The following TMEM266 variants were observed in gnomAD, a reference collection of about 807,000 sequenced individuals.
The protein encoded by TMEM266 is transmembrane protein 266.
In TMEM266, 33 loss-of-function variants were observed where a neutral mutation model predicts 50.5. The ratio of observed to expected loss-of-function variants is 0.65; its 90% CI spans 0.50 to 0.87. The LOEUF (loss-of-function observed/expected upper bound fraction) is 0.87, where lower values mean the gene tolerates loss of function less well. Among genes scored for constraint, TMEM266 ranks in the 40% least tolerant of loss-of-function variants. The pLI is 0.00. For missense variants in TMEM266, 655 were observed against 695.1 expected, an observed-to-expected ratio of 0.94 and a Z score of 0.65; for synonymous variants, 310 against 292.3, an observed-to-expected ratio of 1.06 and a Z score of -0.62.
chr15:76,129,565 C>T (rs538781647), intron 1 of TMEM266, among the ~76,000 whole-genome samples: 3 of 151,992 alleles, frequency 2.0e-5, no homozygotes, highest in South Asian at 2.1e-4. Flanking sequence ...AACTTGAACC[C>T]GGGAGGTGGA....
rs1360468378 is a variant in TMEM266, at chr15:76,203,824, T to C, written c.1105T>C (p.Phe369Leu). The C allele has an allele frequency of 1.2e-6, 2 of 1,614,088 alleles. No homozygotes were observed. Among genetic ancestry groups the C allele is most frequent in the Non-Finnish European group, 1.7e-6 (2 of 1,180,024 alleles). ...CCAGCCCAACATCTCCTCGGACCTCTTCTCTCTGGACATGCCCCTCAAACT... is the reference window on the plus strand; with the variant it reads ...CCAGCCCAACATCTCCTCGGACCTCCTCTCTCTGGACATGCCCCTCAAACT... The change falls in exon 11 of 11, where the codon TTC (phenylalanine) becomes CTC (leucine). Residue 369 changes from phenylalanine (F) to leucine (L), a missense_variant. Around this residue, in one of 3 missense-constraint regions of TMEM266, gnomAD observed 455 missense variants for 401.8 expected, o/e 1.13. Coordinates refer to ENST00000388942, the MANE Select transcript of TMEM266 (RefSeq NM_152335.3).
intron 1 of TMEM266, among the ~76,000 whole-genome samples, chr15:76,109,893 C>T (rs924895915): frequency 1.6e-4 from 25 of 151,788 alleles, no homozygotes; most frequent in Non-Finnish European, 7.4e-5. Context: ...CTCTTGGCCT[C>T]AAGCGATCTT....
intron 1 of TMEM266, chr15:76,113,778 G>C (rs369681340): frequency 2.6e-5 from 4 of 151,980 alleles, no homozygotes; most frequent in Non-Finnish European, 5.9e-5. Context: ...GCGCGGTGGC[G>C]GCTGCCTGTA....
rs112935206 is a variant in TMEM266 at position 76,190,166 on chromosome 15, CT to C, written c.769-1801del. On this transcript the variant is annotated intron_variant, in intron 8 of 10. Transcript: ENST00000388942. ...GCAACTGAGTGCCTGGGGGGCTGCC[CT>C]AGGTGGTGGGTCAGGGAAGGCCCCT... Among the ~76,000 whole-genome samples the C allele has an allele frequency of 2.0e-3, 299 of 152,264 alleles. 3 individuals carry two copies. Among genetic ancestry groups the C allele is most frequent in the African/African-American group, 6.6e-3 (275 of 41,554 alleles).
intron 5 of TMEM266, among the ~76,000 whole-genome samples, chr15:76,169,024 G>T (rs1231823766): frequency 6.6e-6 from 1 of 152,214 alleles, no homozygotes; most frequent in East Asian, 1.9e-4. Context: ...AAGTGGATAG[G>T]TAAGGCTTGG....
In TMEM266 at chr15:76,063,804, G is replaced by T. The variant is rs555341337; in HGVS notation, c.-97+3788G>T. ...ATCTTTCCAGCTTCCCACACTTTTT[G>T]TTTTTGTTAGTCCTTACTGTTCTCT... On this transcript the variant is annotated intron_variant, in intron 1 of 10. Transcript: ENST00000388942. 1.2e-4 allele frequency among the ~76,000 whole-genome samples: 18 copies of T among 152,216 alleles called. 1 individual carries two copies. The South Asian group carries it at 3.3e-3, about 28-fold the overall frequency.
At chr15:76,064,129 A>G (rs1256211940) in intron 1 of TMEM266, among the ~76,000 whole-genome samples, 1 of 152,224 alleles carries the variant, frequency 6.6e-6, no homozygotes, top group African/African-American at 2.4e-5. Context: ...TCAGCCATCC[A>G]TCAACTCTCC....
chr15:76,139,613 A>G lies in TMEM266; in HGVS notation c.227+1718A>G, dbSNP rs1484857305. ...ACATTTTCACTGGGCTCTGCAAATG[A>G]TGTAGCTGGTGGGTCCTTCTCTGAG... On this transcript the variant is annotated intron_variant, in intron 3 of 10. Transcript: ENST00000388942. This position sits in a 1 kb window ranked among gnomAD's most constrained non-coding sequence, Gnocchi z 4.1. Among the ~76,000 whole-genome samples the G allele has an allele frequency of 2.6e-5, 4 of 152,208 alleles. No homozygotes were observed. Among genetic ancestry groups the G allele is most frequent in the South Asian group, 2.1e-4 (1 of 4,830 alleles).
chr15:76,166,675 C>T (rs535341902), intron 5 of TMEM266, among the ~76,000 whole-genome samples: 1 of 152,342 alleles, frequency 6.6e-6, no homozygotes, highest in African/African-American at 2.4e-5. Flanking sequence ...ACTCCTGGGC[C>T]TCTGCCTTTT....
chr15:76,084,238 C>T (rs1320456008), intron 1 of TMEM266, among the ~76,000 whole-genome samples: 1 of 152,026 alleles, frequency 6.6e-6, no homozygotes, highest in Non-Finnish European at 1.5e-5. Flanking sequence ...TGCTTGAGTC[C>T]AGAAGTTAGA....
Position 76,202,264 on chromosome 15 carries a change from G to GGTAA in TMEM266, c.1021+3_1021+6dup. ...TCAGTATTACAATGGGCCCAGCAGTGGTAAGTCTGGGTTGGGGCTGTTCTA... is the reference window on the plus strand; with the variant it reads ...TCAGTATTACAATGGGCCCAGCAGTGGTAAGTAAGTCTGGGTTGGGGCTGTTCTA... On this transcript the variant is annotated frameshift_variant and splice_region_variant. Transcript: ENST00000388942. LOFTEE classifies it high-confidence loss of function. 3.1e-6 allele frequency: 5 copies of GGTAA among 1,612,946 alleles called. No homozygotes were observed. Among genetic ancestry groups the GGTAA allele is most frequent in the Non-Finnish European group, 4.2e-6 (5 of 1,179,270 alleles).
chr15:76,129,501 C>T (rs1240253386), intron 1 of TMEM266, among the ~76,000 whole-genome samples: 5 of 151,912 alleles, frequency 3.3e-5, no homozygotes, highest in East Asian at 1.9e-4. Flanking sequence ...ATTAGCCGGG[C>T]GTGGTGGTAC....
At chr15:76,068,127 T>A (rs1043136809) in intron 1 of TMEM266, among the ~76,000 whole-genome samples, 2 of 152,222 alleles carry the variant, frequency 1.3e-5, no homozygotes, top group Non-Finnish European at 1.5e-5. Context: ...TTATGTTCTT[T>A]CTAAATGCAG....
intron 9 of TMEM266, among the ~76,000 whole-genome samples, chr15:76,196,366 A>T (rs2038656724): frequency 3.3e-5 from 5 of 152,168 alleles, no homozygotes; most frequent in Admixed American, 3.3e-4. Context: ...AGTGCCTCCA[A>T]GGCAAAGGGC....
intron 9 of TMEM266, among the ~76,000 whole-genome samples, chr15:76,197,453 A>G (rs2038672221): frequency 6.6e-6 from 1 of 152,138 alleles, no homozygotes; most frequent in African/African-American, 2.4e-5. Context: ...CTCTGCTGTT[A>G]CCCTCTTGAA....
At chr15:76,201,788 G>C (rs1302571379) in intron 9 of TMEM266, among the ~76,000 whole-genome samples, 1 of 152,206 alleles carries the variant, frequency 6.6e-6, no homozygotes, top group African/African-American at 2.4e-5. Flanking sequence ...GCTGTGTCCT[G>C]CAAATGGGAT....
intron 1 of TMEM266, among the ~76,000 whole-genome samples, chr15:76,101,193 C>T (rs116289635): frequency 0.011 from 1,626 of 152,234 alleles, 22 homozygotes; most frequent in African/African-American, 0.037. Flanking sequence ...AGAGCTGGAA[C>T]TCAGCTAACC....
chr15:76,127,787 A>G (rs992322513), intron 1 of TMEM266, among the ~76,000 whole-genome samples: 1 of 152,206 alleles, frequency 6.6e-6, no homozygotes, highest in Admixed American at 6.5e-5. Context: ...TTTGCAAAAT[A>G]GGGATAAAAA....
At chr15:76,119,835 C>T (rs2037313321) in intron 1 of TMEM266, among the ~76,000 whole-genome samples, 1 of 152,110 alleles carries the variant, frequency 6.6e-6, no homozygotes, top group Non-Finnish European at 1.5e-5. Context: ...AAACTGGCTA[C>T]ATATTTTCTT....
Sources: gnomAD v4.1 joint callset for allele counts (sites outside exome capture counted in the v4.1 genomes callset) on GRCh38, gnomAD v4.1.1 for gene constraint, gnomAD v4.1.1 regional missense constraint, Gnocchi (gnomAD v3.1) non-coding constraint, MANE v1.5 for transcripts, NCBI Gene and HGNC (gene_info 2026-07-23, HGNC 2026-07-21) for gene names.